GABRA2: variants seen among roughly 807,000 people sequenced by gnomAD.
The protein encoded by GABRA2 is gamma-aminobutyric acid type A receptor subunit alpha2.
In GABRA2, 16 loss-of-function variants were observed where a neutral mutation model predicts 48.7. That is an observed-to-expected ratio of 0.33 (90% CI 0.22 to 0.50). The LOEUF (loss-of-function observed/expected upper bound fraction) is 0.50. GABRA2 is among the 20% of genes least tolerant of loss of function. GABRA2 has a pLI of 0.98. For missense variants in GABRA2, 275 were observed against 535.6 expected (o/e 0.51, Z 4.80); for synonymous variants, 185 against 184.5 (o/e 1.00, Z -0.02).
intron 9 of GABRA2, among the ~76,000 whole-genome samples, chr4:46,254,822 A>C (rs1298972033): frequency 6.6e-6 from 1 of 151,554 alleles, no homozygotes; most frequent in Admixed American, 6.6e-5. Flanking sequence ...AAAAATGTCC[A>C]GAAGTGCACT....
chr4:46,344,781 A>G (rs1733866378), intron 3 of GABRA2, among the ~76,000 whole-genome samples: 1 of 151,908 alleles, frequency 6.6e-6, no homozygotes, highest in Admixed American at 6.6e-5. Flanking sequence ...ATGGAAATAG[A>G]TTTTTAAATC....
At chr4:46,381,211 C>T (rs1019673213) in intron 3 of GABRA2, among the ~76,000 whole-genome samples, 4 of 152,208 alleles carry the variant, frequency 2.6e-5, no homozygotes, top group Admixed American at 2.0e-4. Flanking sequence ...CCTGTCTACA[C>T]ATTCAATTTT....
rs1484901380 is a variant in GABRA2, at chr4:46,246,910, G to T, written c.*3398C>A. Among the ~76,000 whole-genome samples, 1 of 151,112 alleles carries T rather than the reference G, an allele frequency of 6.6e-6. No individual in the cohort carries two copies. The highest frequency in any genetic ancestry group is 2.4e-5 in the African/African-American group (1 of 41,324). Reference sequence around the variant, plus strand: ...TGGAATGATGACCGGCCATGCCAAAGAAAAGTACTTTGGTGCTCTTCTGGA... The same window carrying T: ...TGGAATGATGACCGGCCATGCCAAATAAAAGTACTTTGGTGCTCTTCTGGA... On this transcript the variant is annotated 3_prime_UTR_variant, in exon 10 of 10. Coordinates refer to ENST00000381620, the MANE Select transcript of GABRA2 (RefSeq NM_000807.4).
chr4:46,250,322 C>G lies in GABRA2; in HGVS notation c.1342G>C (p.Gly448Arg), dbSNP rs1560425409. 6.2e-7 allele frequency: 1 copy of G among 1,610,172 alleles called. No individual in the cohort carries two copies. Among genetic ancestry groups the G allele is most frequent in the Non-Finnish European group, 8.5e-7 (1 of 1,177,744 alleles). The change falls in exon 10 of 10, where the codon GGG becomes CGG. Residue 448 changes from glycine (G) to arginine (R), a missense_variant. Transcript: ENST00000381620. ...ATYLNREPVL[G>R]VSP ...TGGGTCTCAATTCAAGGACTGACCC[C>G]TAATACAGGTTCTCTGTTTAAATAT...
At chr4:46,343,077 G>A (rs559768459) in intron 3 of GABRA2, among the ~76,000 whole-genome samples, 5 of 151,980 alleles carry the variant, frequency 3.3e-5, no homozygotes, top group Non-Finnish European at 5.9e-5. Flanking sequence ...ACTGTCTTCC[G>A]ATAAGCCTGA....
chr4:46,294,821 A>G (rs1331599153), intron 8 of GABRA2, among the ~76,000 whole-genome samples: 1 of 152,158 alleles, frequency 6.6e-6, no homozygotes, highest in Non-Finnish European at 1.5e-5. Context: ...TGGGTCATCA[A>G]TTCACCATGC....
chr4:46,356,202 C>T (rs541045798), intron 3 of GABRA2, among the ~76,000 whole-genome samples: 8 of 152,242 alleles, frequency 5.3e-5, no homozygotes, highest in Middle Eastern at 3.4e-3. Context: ...CTGGACATCT[C>T]GGAAAATCAA....
chr4:46,296,495 G>C (rs772043163), intron 8 of GABRA2, among the ~76,000 whole-genome samples: 6 of 152,032 alleles, frequency 3.9e-5, no homozygotes, highest in Non-Finnish European at 5.9e-5. Context: ...CATAGTAGAG[G>C]TAAGGAAGAG....
At chr4:46,285,616 T>C (rs1182329714) in intron 8 of GABRA2, among the ~76,000 whole-genome samples, 1 of 152,096 alleles carries the variant, frequency 6.6e-6, no homozygotes, top group Non-Finnish European at 1.5e-5. Context: ...ATTATTTTAT[T>C]AGAGATTTGT....
At chr4:46,333,807 G>A (rs1485366054) in intron 3 of GABRA2, among the ~76,000 whole-genome samples, 1 of 152,034 alleles carries the variant, frequency 6.6e-6, no homozygotes, top group East Asian at 1.9e-4. Context: ...AAGCAAACTT[G>A]CCAAAGACCC....
chr4:46,324,980 T>C lies in GABRA2; in HGVS notation c.255+7635A>G, dbSNP rs184199028. On this transcript the variant is annotated intron_variant, in intron 4 of 9. Transcript: ENST00000381620. The stretch of plus-strand genomic sequence containing the variant: ...ATGCAGTCCACCACCGATGGGCATC[T>C]AGGTTGATTCCATGTCTTTTCTATT... Among the ~76,000 whole-genome samples the C allele has an allele frequency of 3.8e-3, 576 of 152,126 alleles. 4 individuals are homozygous for C. The highest frequency in any genetic ancestry group is 0.013 in the African/African-American group (557 of 41,542).
chr4:46,342,991 A>C (rs1733538848), intron 3 of GABRA2, among the ~76,000 whole-genome samples: 1 of 151,986 alleles, frequency 6.6e-6, no homozygotes, highest in African/African-American at 2.4e-5. Context: ...AAATATTTAT[A>C]TAGGGTTAAC....
chr4:46,316,566 T>C (rs1560518569), intron 4 of GABRA2, among the ~76,000 whole-genome samples: 1 of 152,002 alleles, frequency 6.6e-6, no homozygotes, highest in Non-Finnish European at 1.5e-5. Context: ...TATTTTTAAA[T>C]TGAAATCCTA....
intron 5 of GABRA2, among the ~76,000 whole-genome samples, chr4:46,310,661 T>A (rs1727491841): frequency 6.6e-6 from 1 of 152,116 alleles, no homozygotes; most frequent in Admixed American, 6.6e-5. Flanking sequence ...ATCAAAGGAT[T>A]CAATATTAGT....
chr4:46,342,692 G>C (rs1243225151), intron 3 of GABRA2, among the ~76,000 whole-genome samples: 1 of 152,014 alleles, frequency 6.6e-6, no homozygotes, highest in Non-Finnish European at 1.5e-5. Flanking sequence ...CTGGTGCGTA[G>C]GCTGGAGTGA....
intron 4 of GABRA2, among the ~76,000 whole-genome samples, chr4:46,329,121 T>C (rs1022903827): frequency 6.6e-6 from 1 of 152,132 alleles, no homozygotes; most frequent in African/African-American, 2.4e-5. Context: ...TCAAACTATC[T>C]CCTGGTCCTC....
chr4:46,263,764 T>C (rs948828973), intron 8 of GABRA2, among the ~76,000 whole-genome samples: 2 of 152,108 alleles, frequency 1.3e-5, no homozygotes, highest in Non-Finnish European at 1.5e-5. Flanking sequence ...GGTTTTGTTA[T>C]GGTCATTTTG....
At chr4:46,376,687 G>A (rs1715746191) in intron 3 of GABRA2, among the ~76,000 whole-genome samples, 1 of 152,066 alleles carries the variant, frequency 6.6e-6, no homozygotes, top group Non-Finnish European at 1.5e-5. Context: ...GAGAGTTCAA[G>A]ACCAGACATA....
chr4:46,358,549 G>A (rs1289782380), intron 3 of GABRA2, among the ~76,000 whole-genome samples: 1 of 152,150 alleles, frequency 6.6e-6, no homozygotes, highest in Non-Finnish European at 1.5e-5. Context: ...TAACAAGGAT[G>A]TTGCCACACA....
Sources: allele counts gnomAD v4.1 joint callset (sites outside exome capture counted in the v4.1 genomes callset), GRCh38; gene constraint gnomAD v4.1.1; transcripts MANE v1.5; gene names NCBI Gene and HGNC (gene_info 2026-07-23, HGNC 2026-07-21).